The following CNTLN variants were observed in gnomAD, a reference collection of about 807,000 sequenced individuals.
The protein encoded by CNTLN is centlein.
Under a neutral mutation model 180.0 loss-of-function variants are expected in CNTLN, and 212 were observed. That is an observed-to-expected ratio of 1.18 (90% confidence interval 1.05 to 1.32). The LOEUF is 1.32. Ranked by LOEUF, CNTLN falls within the 40% of genes most tolerant of loss-of-function variation. The pLI is 0.00. For missense variants in CNTLN, 2,095 were observed against 1,610.9 expected (o/e 1.30, Z -5.14); for synonymous variants, 722 against 563.1 (o/e 1.28, Z -3.99).
intron 18 of CNTLN, among the ~76,000 whole-genome samples, chr9:17,440,164 A>G (rs1211002644): frequency 2.0e-5 from 3 of 152,172 alleles, no homozygotes; most frequent in East Asian, 1.9e-4. Flanking sequence ...ATACAATGCT[A>G]TGGGAATGTA....
At chr9:17,370,697 A>G (rs1485295607) in intron 13 of CNTLN, among the ~76,000 whole-genome samples, 1 of 152,230 alleles carries the variant, frequency 6.6e-6, no homozygotes, top group Non-Finnish European at 1.5e-5. Flanking sequence ...ACTACTCTTA[A>G]GTAGAAAGAC....
At chr9:17,421,026 G>A (rs1486609946) in intron 18 of CNTLN, among the ~76,000 whole-genome samples, 1 of 152,126 alleles carries the variant, frequency 6.6e-6, no homozygotes, top group African/African-American at 2.4e-5. Flanking sequence ...AGAAGAATGT[G>A]TATTCTGCAG....
At chr9:17,210,216 C>A (rs1397620401) in intron 2 of CNTLN, among the ~76,000 whole-genome samples, 7 of 152,126 alleles carry the variant, frequency 4.6e-5, no homozygotes. Context: ...CTCCCCGCTC[C>A]CCCTACCCCA....
At chr9:17,377,276 T>A (rs7466520) in intron 13 of CNTLN, among the ~76,000 whole-genome samples, 3 of 152,194 alleles carry the variant, frequency 2.0e-5, no homozygotes, top group Non-Finnish European at 4.4e-5. Flanking sequence ...CTAGGCGCGG[T>A]GGCTCACGCC....
At chr9:17,455,031 A>T (rs1368019640) in intron 18 of CNTLN, among the ~76,000 whole-genome samples, 2 of 152,224 alleles carry the variant, frequency 1.3e-5, no homozygotes, top group Non-Finnish European at 2.9e-5. Context: ...GTCACCCACA[A>T]AAGTTGTCTC....
At chr9:17,418,360 T>A (rs1828429327) in intron 18 of CNTLN, among the ~76,000 whole-genome samples, 1 of 151,990 alleles carries the variant, frequency 6.6e-6, no homozygotes, top group African/African-American at 2.4e-5. Context: ...ATAAAGTAAC[T>A]CCCCAAATAT....
intron 8 of CNTLN, among the ~76,000 whole-genome samples, chr9:17,312,632 T>C (rs1276150878): frequency 1.3e-5 from 2 of 148,542 alleles, no homozygotes; most frequent in African/African-American, 5.0e-5. Flanking sequence ...CTCGATCTCC[T>C]GGCCTCGTTA....
chr9:17,298,409 A>G (rs747532152), intron 7 of CNTLN, 57 bp downstream of exon 7: 61 of 1,374,654 alleles, frequency 4.4e-5, no homozygotes, highest in Non-Finnish European at 5.6e-5. Context: ...TTATGAACAT[A>G]TATAGAATTC....
chr9:17,315,531 G>C (rs907382889), intron 8 of CNTLN, among the ~76,000 whole-genome samples: 2 of 151,948 alleles, frequency 1.3e-5, no homozygotes, highest in Non-Finnish European at 2.9e-5. Flanking sequence ...TTCATTCTTA[G>C]AAAATTTGTG....
Position 17,221,234 on chromosome 9 carries a change from A to T in CNTLN, c.450-4969A>T, listed in dbSNP as rs1286504264. Among the ~76,000 whole-genome samples the T allele has an allele frequency of 3.9e-5, 6 of 152,222 alleles. No homozygotes were observed. The East Asian group carries it at 1.2e-3, about 29-fold the overall frequency. On this transcript the variant is annotated intron_variant, in intron 2 of 25. Coordinates refer to ENST00000380647, the MANE Select transcript of CNTLN (RefSeq NM_017738.4). ...TAATTTGAGATAATATATTAGTGAC[A>T]AATTATAGGTAAAGTTCATATATTT...
the CNTLN span, among the ~76,000 whole-genome samples, chr9:17,521,243 T>TAG: frequency 1.1e-5 from 1 of 90,228 alleles, no homozygotes. Context: ...TTAGAAAAGC[T>TAG]AGAGAGAGAG....
chr9:17,460,562 G>A (rs796930583), intron 19 of CNTLN, among the ~76,000 whole-genome samples: 28 of 151,778 alleles, frequency 1.8e-4, no homozygotes, highest in African/African-American at 6.3e-4. Flanking sequence ...CTAAAGCAGG[G>A]ATACCTTTCT....
At chr9:17,396,792 T>G (rs567250799) in intron 15 of CNTLN, among the ~76,000 whole-genome samples, 1 of 152,318 alleles carries the variant, frequency 6.6e-6, no homozygotes, top group East Asian at 1.9e-4. Flanking sequence ...CAGACAAGTT[T>G]GAGAAACACT....
intron 12 of CNTLN, among the ~76,000 whole-genome samples, chr9:17,351,580 C>G (rs1368639877): frequency 6.6e-6 from 1 of 152,128 alleles, no homozygotes; most frequent in Admixed American, 6.6e-5. Flanking sequence ...GACCTCCCCT[C>G]ATTGAAGTCC....
chr9:17,379,129 T>C (rs1156927767), intron 13 of CNTLN, among the ~76,000 whole-genome samples: 2 of 152,130 alleles, frequency 1.3e-5, no homozygotes, highest in Admixed American at 6.5e-5. Context: ...TCTGCTGTCA[T>C]TCTTACTTTG....
At chr9:17,437,589 T>G (rs1829853563) in intron 18 of CNTLN, among the ~76,000 whole-genome samples, 1 of 152,228 alleles carries the variant, frequency 6.6e-6, no homozygotes, top group South Asian at 2.1e-4. Context: ...TATTTAACTG[T>G]GCATATATTT....
intron 2 of CNTLN, among the ~76,000 whole-genome samples, chr9:17,178,390 C>A (rs1400910753): frequency 2.6e-5 from 4 of 152,222 alleles, no homozygotes; most frequent in African/African-American, 9.6e-5. Context: ...GAGCTGCCTG[C>A]TAGTCCCGTG....
chr9:17,406,129 T>A (rs1258680807), intron 15 of CNTLN, among the ~76,000 whole-genome samples: 3 of 151,870 alleles, frequency 2.0e-5, no homozygotes, highest in Admixed American at 1.3e-4. Context: ...GATAATTCTA[T>A]CTTTACAGTT....
chr9:17,266,097 C>G (rs11523726), intron 5 of CNTLN, among the ~76,000 whole-genome samples: 33,578 of 151,186 alleles, frequency 0.22, 4,026 homozygotes, highest in South Asian at 0.36. Context: ...AATGTGTTTG[C>G]TCTTGCTTCT....
Sources: gnomAD v4.1 joint callset for allele counts (sites outside exome capture counted in the v4.1 genomes callset) on GRCh38, gnomAD v4.1.1 for gene constraint, MANE v1.5 for transcripts, NCBI Gene and HGNC (gene_info 2026-07-23, HGNC 2026-07-21) for gene names.